The following NXPH2 variants were observed in gnomAD, a reference collection of about 807,000 sequenced individuals.
The protein encoded by NXPH2 is neurexophilin 2.
A neutral mutation model predicts 19.8 loss-of-function variants in NXPH2; 5 were observed. The ratio of observed to expected loss-of-function variants is 0.25; its 90% CI spans 0.13 to 0.53. The LOEUF (loss-of-function observed/expected upper bound fraction) is 0.53, where lower values mean the gene tolerates loss of function less well. Among genes scored for constraint, NXPH2 ranks in the 20% least tolerant of loss-of-function variants. NXPH2 has a pLI of 0.96. For missense variants in NXPH2, 289 were observed against 322.8 expected, an observed-to-expected ratio of 0.90 and a Z score of 0.80; for synonymous variants, 154 against 127.4, an observed-to-expected ratio of 1.21 and a Z score of -1.41.
chr2:138,728,516 T>C (rs935815462), intron 1 of NXPH2, among the ~76,000 whole-genome samples: 4 of 152,216 alleles, frequency 2.6e-5, no homozygotes, highest in African/African-American at 9.7e-5. Context: ...GGCATAGGAC[T>C]TGTCATATAG....
chr2:138,749,857 G>A lies in NXPH2; in HGVS notation c.51+30334C>T, dbSNP rs74573553. Among the ~76,000 whole-genome samples the A allele has an allele frequency of 7.3e-3, 1,109 of 152,152 alleles. 14 individuals are homozygous for A. The highest frequency in any genetic ancestry group is 0.025 in the African/African-American group (1,054 of 41,524). On this transcript the variant is annotated intron_variant, in intron 1 of 1. Transcript: ENST00000272641. ...CTACAAACTTAAGACCAATGCAAGC[G>A]TTTCCTAGTATCTGTATAAAACAGA...
At chr2:138,677,367 C>T (rs1199277081) in intron 1 of NXPH2, among the ~76,000 whole-genome samples, 1 of 152,096 alleles carries the variant, frequency 6.6e-6, no homozygotes, top group African/African-American at 2.4e-5. Context: ...TTTATCAAAG[C>T]TTAAGTAATT....
chr2:138,681,033 C>G (rs1680572994), intron 1 of NXPH2, among the ~76,000 whole-genome samples: 1 of 152,216 alleles, frequency 6.6e-6, no homozygotes, highest in African/African-American at 2.4e-5. Context: ...CTCAGCAGGC[C>G]TGGCCTTTCA....
chr2:138,679,007 T>C (rs1163777310), intron 1 of NXPH2, among the ~76,000 whole-genome samples: 4 of 152,206 alleles, frequency 2.6e-5, no homozygotes, highest in Admixed American at 2.0e-4. Context: ...CTGGGTTCTA[T>C]GACAGTCAGA....
chr2:138,686,903 T>C (rs1421053411), intron 1 of NXPH2, among the ~76,000 whole-genome samples: 3 of 152,192 alleles, frequency 2.0e-5, no homozygotes, highest in African/African-American at 7.2e-5. Context: ...TATGGCTGCA[T>C]AGTATTCCAT....
chr2:138,752,935 A>G (rs1681848538), intron 1 of NXPH2, among the ~76,000 whole-genome samples: 1 of 152,208 alleles, frequency 6.6e-6, no homozygotes, highest in Non-Finnish European at 1.5e-5. Flanking sequence ...TGTTAAGGAT[A>G]TATAAAATCA....
intron 1 of NXPH2, among the ~76,000 whole-genome samples, chr2:138,701,375 C>T (rs62163196): frequency 0.12 from 17,723 of 151,924 alleles, 1,386 homozygotes; most frequent in Middle Eastern, 0.28. Context: ...AAAAACAGAG[C>T]GGGTTTTAGA....
chr2:138,776,932 T>C (rs556514340), intron 1 of NXPH2, among the ~76,000 whole-genome samples: 1 of 152,156 alleles, frequency 6.6e-6, no homozygotes, highest in East Asian at 1.9e-4. Context: ...TTCTAAAAAT[T>C]TGCCAACTTA....
intron 1 of NXPH2, among the ~76,000 whole-genome samples, chr2:138,694,580 C>A (rs1373370690): frequency 6.6e-6 from 1 of 152,148 alleles, no homozygotes; most frequent in Non-Finnish European, 1.5e-5. Flanking sequence ...GCTTCAGAGA[C>A]GTCATGGCCC....
intron 1 of NXPH2, among the ~76,000 whole-genome samples, chr2:138,732,983 T>C (rs1681474838): frequency 6.6e-6 from 1 of 152,236 alleles, no homozygotes. Flanking sequence ...CTCATTTTCA[T>C]GTAGCTGCTG....
intron 1 of NXPH2, among the ~76,000 whole-genome samples, chr2:138,750,050 G>A (rs1301594822): frequency 3.3e-5 from 5 of 152,076 alleles, no homozygotes; most frequent in South Asian, 4.1e-4. Flanking sequence ...TTTAAACATC[G>A]TTTTCTTCTC....
chr2:138,684,636 G>T (rs572370072), intron 1 of NXPH2, among the ~76,000 whole-genome samples: 21 of 152,104 alleles, frequency 1.4e-4, no homozygotes, highest in Admixed American at 1.2e-3. Flanking sequence ...ATTTTATCTA[G>T]ACCTCCCTAA....
intron 1 of NXPH2, among the ~76,000 whole-genome samples, chr2:138,732,264 C>T (rs1681464090): frequency 6.6e-6 from 1 of 152,028 alleles, no homozygotes. Flanking sequence ...TTTTTTGAAT[C>T]CAGTAGAGAA....
At chr2:138,779,597 G>A (rs892069863) in intron 1 of NXPH2, among the ~76,000 whole-genome samples, 1 of 152,052 alleles carries the variant, frequency 6.6e-6, no homozygotes, top group Non-Finnish European at 1.5e-5. Flanking sequence ...TGTGTCCCCA[G>A]CTGGCAGAAA....
intron 1 of NXPH2, among the ~76,000 whole-genome samples, chr2:138,730,360 C>T (rs1681428581): frequency 6.6e-6 from 1 of 151,990 alleles, no homozygotes; most frequent in Admixed American, 6.6e-5. Flanking sequence ...GCACCTGACC[C>T]TAAATTACCT....
At chr2:138,774,902 T>C (rs1682236505) in intron 1 of NXPH2, among the ~76,000 whole-genome samples, 1 of 152,248 alleles carries the variant, frequency 6.6e-6, no homozygotes, top group Admixed American at 6.5e-5. Context: ...CTCTATCTTC[T>C]AGTCTTACTG....
chr2:138,683,613 A>G (rs979813093), intron 1 of NXPH2, among the ~76,000 whole-genome samples: 5 of 152,224 alleles, frequency 3.3e-5, no homozygotes, highest in African/African-American at 1.2e-4. Context: ...CAATTAGCAC[A>G]TACTCACTGT....
chr2:138,745,406 G>A (rs941719964), intron 1 of NXPH2, among the ~76,000 whole-genome samples: 3 of 150,172 alleles, frequency 2.0e-5, no homozygotes, highest in African/African-American at 7.4e-5. Flanking sequence ...GTGACTATTA[G>A]TGAGTTAAGC....
intron 1 of NXPH2, among the ~76,000 whole-genome samples, chr2:138,778,843 T>C (rs896211039): frequency 2.6e-5 from 4 of 152,240 alleles, no homozygotes; most frequent in African/African-American, 9.6e-5. Context: ...CAGTATGTGA[T>C]GGCTCATTCA....
Sources: allele counts gnomAD v4.1 joint callset (sites outside exome capture counted in the v4.1 genomes callset), GRCh38; gene constraint gnomAD v4.1.1; transcripts MANE v1.5; gene names NCBI Gene and HGNC (gene_info 2026-07-23, HGNC 2026-07-21).